The following ATRNL1 variants were observed in gnomAD, a reference collection of about 807,000 sequenced individuals.
ATRNL1 encodes attractin like 1.
ATRNL1 carries 95 observed loss-of-function variants against 182.7 expected under a neutral mutation model. That is an observed-to-expected ratio of 0.52 (90% CI 0.44 to 0.62). The LOEUF (loss-of-function observed/expected upper bound fraction) is 0.62, where lower values mean the gene tolerates loss of function less well. Ranked by LOEUF, ATRNL1 falls within the 20% of genes least tolerant of loss-of-function variation. The pLI, the probability that ATRNL1 is intolerant of heterozygous loss-of-function variation, is 0.00. For missense variants in ATRNL1, 1,471 were observed against 1,679.5 expected (o/e 0.88, Z 2.17); for synonymous variants, 576 against 568.3 (o/e 1.01, Z -0.19).
At chr10:115,324,468 C>G (rs890541404) in intron 18 of ATRNL1, among the ~76,000 whole-genome samples, 1 of 152,128 alleles carries the variant, frequency 6.6e-6, no homozygotes, top group South Asian at 2.1e-4. Context: ...GATGTATCTA[C>G]AAGGGCCATT....
At chr10:115,790,648 A>C (rs1342869377) in intron 27 of ATRNL1, among the ~76,000 whole-genome samples, 6 of 152,174 alleles carry the variant, frequency 3.9e-5, no homozygotes, top group East Asian at 1.9e-4. Context: ...AAAAAAAAAA[A>C]AACTTTTAAA....
rs565908057 is a variant in ATRNL1 at position 115,605,816 on chromosome 10, A to AAAT, written c.3795+56302_3795+56304dup. Among the ~76,000 whole-genome samples the AAAT allele has an allele frequency of 8.0e-3, 1,205 of 151,448 alleles. 10 individuals carry two copies. Among genetic ancestry groups the AAAT allele is most frequent in the African/African-American group, 0.019 (793 of 41,348 alleles). ...GGGCAACAGAGTGCGATCAGTCTAC[A>AAAT]AATAATAATAATAATAATAATAATT... On this transcript the variant is annotated intron_variant, in intron 26 of 28. Coordinates refer to ENST00000355044, the MANE Select transcript of ATRNL1 (RefSeq NM_207303.4).
At chr10:115,519,226 G>T in intron 24 of ATRNL1, 37 bp from the exon 25 acceptor site, 1 of 1,539,216 alleles carries the variant, frequency 6.5e-7, no homozygotes, top group South Asian at 1.1e-5. Flanking sequence ...TTTTAGAGAA[G>T]AACATACTTT....
chr10:115,713,624 C>T (rs201656557), intron 26 of ATRNL1, among the ~76,000 whole-genome samples: 56,984 of 151,366 alleles, frequency 0.38, 11,474 homozygotes, highest in Admixed American at 0.54. Context: ...TATATACACA[C>T]ACACACACAC....
intron 24 of ATRNL1, among the ~76,000 whole-genome samples, chr10:115,481,890 T>G (rs1419204551): frequency 6.6e-6 from 1 of 150,960 alleles, no homozygotes; most frequent in Non-Finnish European, 1.5e-5. Context: ...CTCTTGGGGT[T>G]TGTTAAGAAC....
At chr10:115,122,703 T>A (rs539922808) in intron 3 of ATRNL1, among the ~76,000 whole-genome samples, 6 of 152,242 alleles carry the variant, frequency 3.9e-5, no homozygotes, top group African/African-American at 1.4e-4. Flanking sequence ...ATGTGAATTA[T>A]TATTTTGGAC....
intron 26 of ATRNL1, among the ~76,000 whole-genome samples, chr10:115,610,372 A>T (rs1260091320): frequency 6.6e-6 from 1 of 152,172 alleles, no homozygotes; most frequent in Non-Finnish European, 1.5e-5. Flanking sequence ...TGCATTGTAG[A>T]CTGTCTATGA....
intron 27 of ATRNL1, among the ~76,000 whole-genome samples, chr10:115,728,058 G>A (rs1947656676): frequency 6.9e-6 from 1 of 144,794 alleles, no homozygotes; most frequent in Admixed American, 7.1e-5. Context: ...GGCAGATCAC[G>A]AGGTCAGGAG....
chr10:115,290,073 G>GTTT (rs34824411), intron 15 of ATRNL1, among the ~76,000 whole-genome samples: 6 of 145,166 alleles, frequency 4.1e-5, no homozygotes, highest in Non-Finnish European at 7.5e-5. Flanking sequence ...GTGTTTTGTA[G>GTTT]TTTTTTTTTT....
chr10:115,560,221 T>C (rs1383137086), intron 26 of ATRNL1, among the ~76,000 whole-genome samples: 1 of 152,150 alleles, frequency 6.6e-6, no homozygotes, highest in African/African-American at 2.4e-5. Context: ...ATATTCACAC[T>C]GCTAATAAAG....
At chr10:115,639,593 T>A (rs1485842568) in intron 26 of ATRNL1, among the ~76,000 whole-genome samples, 1 of 152,176 alleles carries the variant, frequency 6.6e-6, no homozygotes, top group Non-Finnish European at 1.5e-5. Flanking sequence ...GTTTCACACT[T>A]CATTCTAAGT....
At chr10:115,492,730 G>A (rs1387945910) in intron 24 of ATRNL1, among the ~76,000 whole-genome samples, 8 of 143,840 alleles carry the variant, frequency 5.6e-5, no homozygotes, top group South Asian at 2.2e-4. Flanking sequence ...TGCAAGCTCC[G>A]CCTCCCGGGT....
At chr10:115,768,911 A>G (rs1244123585) in intron 27 of ATRNL1, among the ~76,000 whole-genome samples, 1 of 152,088 alleles carries the variant, frequency 6.6e-6, no homozygotes, top group African/African-American at 2.4e-5. Flanking sequence ...TAAGTTCTGT[A>G]TCTTTAAATG....
intron 10 of ATRNL1, among the ~76,000 whole-genome samples, chr10:115,252,527 A>G (rs1374147016): frequency 6.6e-6 from 1 of 152,222 alleles, no homozygotes; most frequent in Non-Finnish European, 1.5e-5. Context: ...GCAGAGTGCT[A>G]TCTGTCTTTT....
intron 5 of ATRNL1, among the ~76,000 whole-genome samples, chr10:115,145,881 T>C (rs140665911): frequency 1.4e-3 from 208 of 152,266 alleles, no homozygotes; most frequent in Admixed American, 2.7e-3. Flanking sequence ...AAAATCCAGG[T>C]ACCTGTCTAT....
At chr10:115,787,755 C>A (rs1232268968) in intron 27 of ATRNL1, among the ~76,000 whole-genome samples, 1 of 152,114 alleles carries the variant, frequency 6.6e-6, no homozygotes, top group South Asian at 2.1e-4. Context: ...TGAATGTTAC[C>A]TTACTTGGTA....
chr10:115,302,999 A>C (rs1853553204), intron 17 of ATRNL1, among the ~76,000 whole-genome samples: 1 of 152,162 alleles, frequency 6.6e-6, no homozygotes, highest in Non-Finnish European at 1.5e-5. Flanking sequence ...GATTTGGAAC[A>C]AAAAAGTAGA....
intron 20 of ATRNL1, among the ~76,000 whole-genome samples, chr10:115,421,467 T>TA (rs1592632763): frequency 1.3e-5 from 2 of 152,126 alleles, no homozygotes; most frequent in Non-Finnish European, 2.9e-5. Context: ...CAATAGATGC[T>TA]AAAAAAAGAA....
intron 27 of ATRNL1, among the ~76,000 whole-genome samples, chr10:115,809,924 C>T (rs566458482): frequency 3.5e-4 from 53 of 151,958 alleles, no homozygotes; most frequent in African/African-American, 1.3e-3. Context: ...ATGTTAACTT[C>T]AGGTTTTGTA....
Sources: gnomAD v4.1 joint callset for allele counts (sites outside exome capture counted in the v4.1 genomes callset) on GRCh38, gnomAD v4.1.1 for gene constraint, MANE v1.5 for transcripts, NCBI Gene and HGNC (gene_info 2026-07-23, HGNC 2026-07-21) for gene names.